Variants in KIF26B observed in about 807,000 individuals in gnomAD.
The protein encoded by KIF26B is kinesin family member 26B.
KIF26B carries 63 observed loss-of-function variants against 151.2 expected under a neutral mutation model. That is an observed-to-expected ratio of 0.42 (90% CI 0.34 to 0.51). The LOEUF is 0.51. Ranked by LOEUF, KIF26B falls within the 20% of genes least tolerant of loss-of-function variation. The pLI is 0.07. For missense variants in KIF26B, 2,813 were observed against 2,913.6 expected (o/e 0.97, Z 0.79); for synonymous variants, 1,357 against 1,262.1 (o/e 1.08, Z -1.59).
At chr1:245,646,318 AG>A in intron 10 of KIF26B, 38 bp downstream of exon 10, 1 of 1,606,206 alleles carries the variant, frequency 6.2e-7, no homozygotes, top group Non-Finnish European at 8.5e-7. Flanking sequence ...TGGTGGGGTA[AG>A]CATGGTGTGG....
intron 4 of KIF26B, among the ~76,000 whole-genome samples, chr1:245,528,632 G>A (rs202160757): frequency 6.6e-6 from 1 of 152,350 alleles, no homozygotes; most frequent in South Asian, 2.1e-4. Flanking sequence ...CATATGTCAC[G>A]TGGCATCAAA....
At position 245,702,048 on chromosome 1, in the gene KIF26B, G is replaced by T. The variant is rs1033066203; in HGVS notation, c.6179-410G>T. On this transcript the variant is annotated intron_variant, in intron 14 of 14. Coordinates refer to ENST00000407071, the MANE Select transcript of KIF26B (RefSeq NM_018012.4). This position sits in a 1 kb window ranked among gnomAD's most constrained non-coding sequence, Gnocchi z 4.1. ...CGTCCTTTCATATAAGGAAGCAGAG[G>T]TATAAATGTCACTCAACTGAGACCC... Among the ~76,000 whole-genome samples the T allele has an allele frequency of 6.6e-6, 1 of 152,202 alleles. No homozygotes were observed. The highest frequency in any genetic ancestry group is 2.4e-5 in the African/African-American group (1 of 41,444).
At chr1:245,293,604 G>A (rs989450471) in intron 2 of KIF26B, among the ~76,000 whole-genome samples, 3 of 144,464 alleles carry the variant, frequency 2.1e-5, no homozygotes, top group African/African-American at 7.8e-5. Context: ...TGGAGATGGA[G>A]TTTCACTCTT....
chr1:245,265,095 G>A (rs534581604), intron 2 of KIF26B, among the ~76,000 whole-genome samples: 3 of 151,108 alleles, frequency 2.0e-5, no homozygotes, highest in Non-Finnish European at 4.4e-5. Context: ...CCAGGTACTC[G>A]GGAGGCTGAG....
intron 2 of KIF26B, among the ~76,000 whole-genome samples, chr1:245,260,796 C>T (rs1670621114): frequency 6.6e-6 from 1 of 152,196 alleles, no homozygotes; most frequent in Non-Finnish European, 1.5e-5. Flanking sequence ...AACCAAGCTC[C>T]CGACTGCAGA....
chr1:245,366,991 C>A lies in KIF26B; in HGVS notation c.623C>A (p.Ala208Glu), dbSNP rs768283723. Residue 208 changes from alanine (A) to glutamate (E), a missense_variant, in exon 3 of 15, where the codon GCA (alanine) becomes GAA (glutamate). Physicochemically the swap from Ala to Glu is moderately radical, Grantham distance 107. This residue lies in a region of KIF26B where 676 missense variants were observed against 688.1 expected (regional missense o/e 0.98). Coordinates refer to ENST00000407071, the MANE Select transcript of KIF26B (RefSeq NM_018012.4). ...CAGATGGTGCTGACGTTGGAGCAGG[C>A]AGCCGGCAGTGAGCACTACGACGCC... Reference protein sequence around the residue: ...AIQMVLTLEQAAGSEHYDASP... With the variant: ...AIQMVLTLEQEAGSEHYDASP... 3.1e-6 allele frequency: 5 copies of A among 1,613,886 alleles called. No individual in the cohort carries two copies. Among genetic ancestry groups the A allele is most frequent in the Non-Finnish European group, 3.4e-6 (4 of 1,179,864 alleles).
chr1:245,609,900 T>C (rs183892911), intron 8 of KIF26B, among the ~76,000 whole-genome samples: 1 of 152,334 alleles, frequency 6.6e-6, no homozygotes, highest in East Asian at 1.9e-4. Context: ...TTGATGACTC[T>C]ATAAACTGTG....
intron 3 of KIF26B, among the ~76,000 whole-genome samples, chr1:245,370,340 G>C (rs1020153043): frequency 4.6e-5 from 7 of 151,298 alleles, no homozygotes; most frequent in Non-Finnish European, 8.8e-5. Flanking sequence ...CATTTATTAG[G>C]TTGGTGCAAA....
At chr1:245,171,421 G>A (rs1476147957) in intron 2 of KIF26B, among the ~76,000 whole-genome samples, 1 of 152,136 alleles carries the variant, frequency 6.6e-6, no homozygotes, top group African/African-American at 2.4e-5. Context: ...GCACATGCCT[G>A]TAATCCCAGC....
At chr1:245,548,784 C>A (rs969025969) in intron 5 of KIF26B, among the ~76,000 whole-genome samples, 13 of 149,432 alleles carry the variant, frequency 8.7e-5, no homozygotes, top group Non-Finnish European at 1.8e-4. Flanking sequence ...ACTCTTGTTG[C>A]CCAGGCTAGA....
At position 245,540,989 on chromosome 1, in the gene KIF26B, C is replaced by T. The variant is rs188492391; in HGVS notation, c.1350+39C>T. 56 of 1,550,070 alleles carry T rather than the reference C, an allele frequency of 3.6e-5. No homozygotes were observed. In the African/African-American group the frequency reaches 3.7e-4, roughly 10 times the overall value. On this transcript the variant is annotated intron_variant, in intron 5 of 14. Coordinates refer to ENST00000407071, the MANE Select transcript of KIF26B (RefSeq NM_018012.4). The surrounding 1 kb of genome is among the most constrained non-coding windows in gnomAD (Gnocchi z 4.6). ...CCGTCCCTGCCATTTGCCCAGTGTG[C>T]GAGGTTCTGGATCAAGTTTCAGGAG...
intron 2 of KIF26B, among the ~76,000 whole-genome samples, chr1:245,324,384 A>G (rs1313972410): frequency 1.3e-5 from 2 of 152,212 alleles, no homozygotes; most frequent in African/African-American, 4.8e-5. Context: ...GAATTTTGAG[A>G]TGTCCTAGCT....
intron 9 of KIF26B, 129 bp downstream of exon 9, chr1:245,612,105 TGAGA>T (rs3047661): frequency 0.016 from 4,999 of 309,882 alleles, 56 homozygotes; most frequent in Non-Finnish European, 0.021. Flanking sequence ...TGTGTGTGTG[TGAGA>T]GAGAGAGAGA....
chr1:245,197,610 T>C (rs1378444176), intron 2 of KIF26B, among the ~76,000 whole-genome samples: 1 of 152,198 alleles, frequency 6.6e-6, no homozygotes, highest in Admixed American at 6.5e-5. Flanking sequence ...AGAAAAGGTA[T>C]ATATTTTTGA....
At position 245,193,104 on chromosome 1, in the gene KIF26B, C is replaced by T. The variant is rs942659014; in HGVS notation, c.465+36421C>T. Among the ~76,000 whole-genome samples, 7 of 152,318 alleles carry T rather than the reference C, an allele frequency of 4.6e-5. No homozygotes were observed. In the East Asian group the frequency reaches 1.2e-3, roughly 25 times the overall value. On this transcript the variant is annotated intron_variant, in intron 2 of 14. Coordinates refer to ENST00000407071, the MANE Select transcript of KIF26B (RefSeq NM_018012.4). ...TCCCCTCCTAGTATCCATGTGTGCT[C>T]ATTGTTTAGCTCCCACTTATAATTG...
intron 2 of KIF26B, among the ~76,000 whole-genome samples, chr1:245,314,749 T>C (rs140268822): frequency 7.9e-4 from 120 of 152,296 alleles, no homozygotes; most frequent in African/African-American, 2.7e-3. Context: ...ATTCGTCAGT[T>C]GCCTTATATC....
intron 2 of KIF26B, among the ~76,000 whole-genome samples, chr1:245,289,057 G>A (rs1265337218): frequency 6.6e-6 from 1 of 152,132 alleles, no homozygotes; most frequent in Non-Finnish European, 1.5e-5. Context: ...TATAGAGGAA[G>A]TCGGGTTGGT....
At position 245,375,792 on chromosome 1, in the gene KIF26B, G is replaced by A. The variant is rs1297442785; in HGVS notation, c.999+8425G>A. Among the ~76,000 whole-genome samples, 1 of 152,146 alleles carries A rather than the reference G, an allele frequency of 6.6e-6. No homozygotes were observed. Among genetic ancestry groups the A allele is most frequent in the East Asian group, 1.9e-4 (1 of 5,188 alleles). On this transcript the variant is annotated intron_variant, in intron 3 of 14. Coordinates refer to ENST00000407071, the MANE Select transcript of KIF26B (RefSeq NM_018012.4). The surrounding 1 kb of genome is among the most constrained non-coding windows in gnomAD (Gnocchi z 4.2). ...GGGGTCTACAGACCAAGGAGTCCCT[G>A]CAGAAACCTGCAGGACAGCAAGAAC...
At chr1:245,646,965 A>G (rs970888916) in intron 10 of KIF26B, among the ~76,000 whole-genome samples, 1 of 152,110 alleles carries the variant, frequency 6.6e-6, no homozygotes, top group African/African-American at 2.4e-5. Flanking sequence ...AAGCGTTCTC[A>G]TTGGACCGTG....
Sources: allele counts gnomAD v4.1 joint callset (sites outside exome capture counted in the v4.1 genomes callset), GRCh38; gene constraint gnomAD v4.1.1; regional missense constraint gnomAD v4.1.1; non-coding constraint Gnocchi (gnomAD v3.1); transcripts MANE v1.5; gene names NCBI Gene and HGNC (gene_info 2026-07-23, HGNC 2026-07-21).